Variants in CFAP54 observed in about 807,000 individuals in gnomAD.
CFAP54 encodes cilia- and flagella-associated protein 54.
In CFAP54, 290 loss-of-function variants were observed where a neutral mutation model predicts 370.4. The observed-to-expected ratio is 0.78, with a 90% CI of 0.71 to 0.86. The LOEUF (loss-of-function observed/expected upper bound fraction) is 0.86. CFAP54 is among the 40% of genes least tolerant of loss of function. CFAP54 has a pLI of 0.00. For missense variants in CFAP54, 3,399 were observed against 3,528.7 expected (o/e 0.96, Z 0.93); for synonymous variants, 1,206 against 1,236.5 (o/e 0.98, Z 0.52).
At chr12:96,610,934 C>T (rs1956351515) in intron 26 of CFAP54, among the ~76,000 whole-genome samples, 1 of 152,226 alleles carries the variant, frequency 6.6e-6, no homozygotes, top group South Asian at 2.1e-4. Flanking sequence ...GGAGGCCTGC[C>T]TGCCTCTGTA....
intron 60 of CFAP54, among the ~76,000 whole-genome samples, chr12:96,766,012 C>T (rs1958398947): frequency 6.6e-6 from 1 of 152,140 alleles, no homozygotes; most frequent in African/African-American, 2.4e-5. Flanking sequence ...TGACATTTCA[C>T]TAACATCCAC....
chr12:96,774,747 C>T (rs1958498826), intron 60 of CFAP54, among the ~76,000 whole-genome samples: 1 of 151,858 alleles, frequency 6.6e-6, no homozygotes, highest in African/African-American at 2.4e-5. Context: ...TATTATATGC[C>T]CTTTATATTT....
At chr12:96,637,497 T>C (rs1486928030) in intron 32 of CFAP54, among the ~76,000 whole-genome samples, 1 of 152,176 alleles carries the variant, frequency 6.6e-6, no homozygotes, top group Non-Finnish European at 1.5e-5. Context: ...TTTCTTTTGG[T>C]GGAAATTGAC....
chr12:96,789,575 T>G (rs1176391392), intron 62 of CFAP54, among the ~76,000 whole-genome samples: 2 of 152,222 alleles, frequency 1.3e-5, no homozygotes, highest in Non-Finnish European at 2.9e-5. Context: ...TAGGTGTGAT[T>G]TCTTAAATAC....
chr12:96,527,236 TCAA>T lies in CFAP54; in HGVS notation c.1159-9_1159-7del, dbSNP rs1283124050. The T allele has an allele frequency of 8.7e-6, 13 of 1,498,396 alleles. No homozygotes were observed. In the Admixed American group the frequency reaches 1.2e-4, roughly 13 times the overall value. The allele number at this position is 1,498,396 out of a possible 1,614,324, so 92.8% of individuals were successfully genotyped here. A position where few individuals can be genotyped will look rare whatever the true frequency, so the allele number is the denominator to read the frequency against. On this transcript the variant is annotated splice_polypyrimidine_tract_variant and splice_region_variant and intron_variant, in intron 8 of 67. Transcript: ENST00000524981. Reference sequence around the variant, plus strand: ...CAAATGGACTGAACTTTTTTTTTTCTCAATTTCAGTTATCATGGCCACGAACTG... The same window carrying T: ...CAAATGGACTGAACTTTTTTTTTTCTTTTCAGTTATCATGGCCACGAACTG...
chr12:96,499,921 G>A (rs925299734), intron 1 of CFAP54, among the ~76,000 whole-genome samples: 1 of 151,544 alleles, frequency 6.6e-6, no homozygotes, highest in Non-Finnish European at 1.5e-5. Context: ...ACTCCAGCCT[G>A]TGTGACAGGA....
chr12:96,826,938 A>G (rs1428523984), intron 65 of CFAP54, among the ~76,000 whole-genome samples: 1 of 132,716 alleles, frequency 7.5e-6, no homozygotes, highest in African/African-American at 2.8e-5. Context: ...ATAATATGCA[A>G]TTATGTATGA....
intron 60 of CFAP54, among the ~76,000 whole-genome samples, chr12:96,778,137 A>G (rs1958540329): frequency 6.6e-6 from 1 of 152,234 alleles, no homozygotes; most frequent in Non-Finnish European, 1.5e-5. Flanking sequence ...GCTACATTTA[A>G]AATCTAACAA....
At chr12:96,787,837 A>T (rs1308830637) in intron 62 of CFAP54, among the ~76,000 whole-genome samples, 1 of 152,154 alleles carries the variant, frequency 6.6e-6, no homozygotes. Flanking sequence ...TGTGAAAATT[A>T]GTATATCTTA....
chr12:96,639,697 G>C (rs540068298), intron 32 of CFAP54, among the ~76,000 whole-genome samples: 1 of 151,840 alleles, frequency 6.6e-6, no homozygotes, highest in Non-Finnish European at 1.5e-5. Context: ...ACTGGCAAAC[G>C]GAATCCAGCA....
chr12:96,681,759 C>T (rs191288654), intron 40 of CFAP54, among the ~76,000 whole-genome samples: 144 of 152,236 alleles, frequency 9.5e-4, no homozygotes, highest in Non-Finnish European at 1.3e-3. Context: ...TGCGCCACCA[C>T]GCCCGGCTAA....
intron 39 of CFAP54, among the ~76,000 whole-genome samples, chr12:96,673,186 G>T (rs1299497441): frequency 1.3e-5 from 2 of 152,220 alleles, no homozygotes; most frequent in Non-Finnish European, 2.9e-5. Context: ...TACAGTCAAA[G>T]GAGGTAGATA....
At chr12:96,841,582 T>G (rs1959216458) in intron 66 of CFAP54, among the ~76,000 whole-genome samples, 1 of 152,238 alleles carries the variant, frequency 6.6e-6, no homozygotes, top group African/African-American at 2.4e-5. Flanking sequence ...CTTGTTGACT[T>G]TGGGCATTAG....
chr12:96,825,745 ACAT>A (rs1447418783), intron 65 of CFAP54, among the ~76,000 whole-genome samples: 1 of 126,456 alleles, frequency 7.9e-6, no homozygotes, highest in Non-Finnish European at 1.5e-5. Context: ...ATATCACATT[ACAT>A]AATAATATGT....
At chr12:96,564,923 C>T (rs140882139) in intron 19 of CFAP54, 158 bp downstream of exon 19, 19 of 384,614 alleles carry the variant, frequency 4.9e-5, no homozygotes, top group Middle Eastern at 1.4e-3. Context: ...GGAACTAATT[C>T]GTACCTCCAG....
At chr12:96,630,307 G>A in intron 31 of CFAP54, 103 bp downstream of exon 31, 1 of 603,616 alleles carries the variant, frequency 1.7e-6, no homozygotes, top group Non-Finnish European at 2.7e-6. Context: ...TGAAACAGAA[G>A]GATATACTAA....
chr12:96,591,541 G>A (rs1423824911), intron 23 of CFAP54, among the ~76,000 whole-genome samples: 1 of 152,030 alleles, frequency 6.6e-6, no homozygotes, highest in Non-Finnish European at 1.5e-5. Context: ...CACTATGGTG[G>A]TCGAGCCTGG....
chr12:96,535,363 A>G (rs892428313), intron 11 of CFAP54, among the ~76,000 whole-genome samples, 152 bp from the exon 12 acceptor site: 1 of 152,160 alleles, frequency 6.6e-6, no homozygotes, highest in Non-Finnish European at 1.5e-5. Flanking sequence ...ATTAGTTTTC[A>G]TATAGAAGTA....
intron 19 of CFAP54, among the ~76,000 whole-genome samples, chr12:96,573,968 T>G (rs1955950817): frequency 6.6e-6 from 1 of 152,254 alleles, no homozygotes; most frequent in South Asian, 2.1e-4. Flanking sequence ...AAACTATTCA[T>G]CATCGTGGAT....
Sources: gnomAD v4.1 joint callset for allele counts (sites outside exome capture counted in the v4.1 genomes callset) on GRCh38, gnomAD v4.1.1 for gene constraint, MANE v1.5 for transcripts, NCBI Gene and HGNC (gene_info 2026-07-23, HGNC 2026-07-21) for gene names.